RYR3: variants seen among roughly 807,000 people sequenced by gnomAD.
The protein encoded by RYR3 is brain ryanodine receptor-calcium release channel.
RYR3 carries 207 observed loss-of-function variants against 584.3 expected under a neutral mutation model. That is an observed-to-expected ratio of 0.35 (90% CI 0.32 to 0.40). The LOEUF (loss-of-function observed/expected upper bound fraction) is 0.40. RYR3 is among the 10% of genes least tolerant of loss of function. RYR3 has a pLI of 1.00. For missense variants in RYR3, 5,616 were observed against 6,089.2 expected, an observed-to-expected ratio of 0.92 and a Z score of 2.59; for synonymous variants, 2,416 against 2,248.5, an observed-to-expected ratio of 1.07 and a Z score of -2.11.
At chr15:33,630,166 A>G in intron 22 of RYR3, 123 bp downstream of exon 22, 1 of 590,326 alleles carries the variant, frequency 1.7e-6, no homozygotes, top group East Asian at 2.8e-5. Flanking sequence ...ATTAGAGGAG[A>G]TGATGATGAA....
chr15:33,396,963 CA>C (rs1348250203), intron 1 of RYR3, among the ~76,000 whole-genome samples: 2 of 152,090 alleles, frequency 1.3e-5, no homozygotes, highest in Admixed American at 1.3e-4. Context: ...GAAACAAAGC[CA>C]GTCATATTTT....
At chr15:33,490,494 G>A (rs1276238000) in intron 2 of RYR3, among the ~76,000 whole-genome samples, 1 of 152,086 alleles carries the variant, frequency 6.6e-6, no homozygotes, top group Non-Finnish European at 1.5e-5. Flanking sequence ...CTGCCTAATA[G>A]TACTGAGGGT....
chr15:33,684,642 A>T (rs952534045), intron 38 of RYR3, among the ~76,000 whole-genome samples: 1 of 152,204 alleles, frequency 6.6e-6, no homozygotes, highest in African/African-American at 2.4e-5. Flanking sequence ...CCCAAGACAC[A>T]TAATCATCAG....
At chr15:33,548,240 A>G in intron 9 of RYR3, 36 bp downstream of exon 9, 1 of 1,371,708 alleles carries the variant, frequency 7.3e-7, no homozygotes, top group Non-Finnish European at 1.0e-6. Context: ...TTTCAAGATT[A>G]CTTTCTTTTT....
chr15:33,384,900 G>A (rs890178477), intron 1 of RYR3, among the ~76,000 whole-genome samples: 3 of 152,106 alleles, frequency 2.0e-5, no homozygotes, highest in Non-Finnish European at 4.4e-5. Context: ...GTTGATTGGA[G>A]GTAGTGTGGA....
At position 33,662,868 on chromosome 15, in the gene RYR3, G is replaced by C; in HGVS notation, c.5338G>C (p.Glu1780Gln). The C allele has an allele frequency of 1.2e-6, 2 of 1,613,788 alleles. No individual in the cohort carries two copies. Among genetic ancestry groups the C allele is most frequent in the Non-Finnish European group, 1.7e-6 (2 of 1,179,890 alleles). Residue 1780 changes from glutamate to glutamine, a missense_variant, in exon 35 of 104, where the codon GAG becomes CAG. Physicochemically the swap from Glu to Gln is conservative, Grantham distance 29. Coordinates refer to ENST00000634891, the MANE Select transcript of RYR3 (RefSeq NM_001036.6). ...GACCCAGGTGGAGGAGAAGGCTGTG[G>C]AGGCTGGGGAGAAGGCCGGCAAGGA... ...EVTQVEEKAV[E>Q]AGEKAGKEAP... is the part of the protein sequence containing the mutation.
At chr15:33,491,789 C>G (rs964691380) in intron 2 of RYR3, among the ~76,000 whole-genome samples, 1 of 152,058 alleles carries the variant, frequency 6.6e-6, no homozygotes, top group African/African-American at 2.4e-5. Flanking sequence ...CCTGGCCAGT[C>G]CCCCCAGATA....
intron 1 of RYR3, among the ~76,000 whole-genome samples, chr15:33,378,239 T>C (rs1221542296): frequency 6.6e-6 from 1 of 152,258 alleles, no homozygotes; most frequent in African/African-American, 2.4e-5. Flanking sequence ...GCCCACCTTC[T>C]TCCCATTCTA....
chr15:33,424,651 C>A (rs2044474107), intron 1 of RYR3, among the ~76,000 whole-genome samples: 1 of 152,160 alleles, frequency 6.6e-6, no homozygotes, highest in South Asian at 2.1e-4. Context: ...AGATTCCTCT[C>A]TCTGAAGCCC....
intron 45 of RYR3, among the ~76,000 whole-genome samples, chr15:33,725,983 A>AC (rs1292440003): frequency 7.7e-6 from 1 of 129,788 alleles, no homozygotes; most frequent in Non-Finnish European, 1.7e-5. Context: ...CCCCAAAAAA[A>AC]AAAAAAAAAA....
At chr15:33,486,664 AGTAGAGGGTGATGTTGCCAGGT>A (rs2050452211) in intron 2 of RYR3, among the ~76,000 whole-genome samples, 1 of 152,156 alleles carries the variant, frequency 6.6e-6, no homozygotes, top group Non-Finnish European at 1.5e-5. Flanking sequence ...AGAGGAGGGG[AGTAGAGGGTGATGTTGCCAGGT>A]TTGCAAATCT....
At chr15:33,787,748 T>A (rs1384516715) in intron 66 of RYR3, among the ~76,000 whole-genome samples, 1 of 138,888 alleles carries the variant, frequency 7.2e-6, no homozygotes, top group Non-Finnish European at 1.6e-5. Flanking sequence ...GTTAATGTGC[T>A]TTTAACAACA....
At chr15:33,479,945 C>G (rs2142324610) in intron 2 of RYR3, among the ~76,000 whole-genome samples, 1 of 152,276 alleles carries the variant, frequency 6.6e-6, no homozygotes, top group Admixed American at 6.5e-5. Context: ...TTTTGTACAG[C>G]TAATATTTTA....
intron 1 of RYR3, among the ~76,000 whole-genome samples, chr15:33,452,928 A>G (rs543292641): frequency 2.0e-5 from 3 of 152,344 alleles, no homozygotes; most frequent in East Asian, 1.9e-4. Context: ...GTTAGGGTCA[A>G]TGGAGGCTCA....
At chr15:33,314,380 C>G (rs564936589) in intron 1 of RYR3, among the ~76,000 whole-genome samples, 4 of 152,284 alleles carry the variant, frequency 2.6e-5, no homozygotes, top group African/African-American at 9.6e-5. Context: ...GATCTGAAAG[C>G]AAGAAGTTAT....
At chr15:33,470,011 A>C (rs1469649098) in intron 1 of RYR3, among the ~76,000 whole-genome samples, 1 of 152,184 alleles carries the variant, frequency 6.6e-6, no homozygotes, top group Non-Finnish European at 1.5e-5. Context: ...GGAATGAAGG[A>C]GAGACAAAGC....
chr15:33,689,136 A>G (rs2065227376), intron 38 of RYR3, among the ~76,000 whole-genome samples: 1 of 147,186 alleles, frequency 6.8e-6, no homozygotes, highest in African/African-American at 2.5e-5. Flanking sequence ...AAAACCAAAC[A>G]CTCCATGTTC....
chr15:33,429,842 A>G (rs1251611656), intron 1 of RYR3, among the ~76,000 whole-genome samples: 3 of 152,264 alleles, frequency 2.0e-5, no homozygotes, highest in Non-Finnish European at 4.4e-5. Context: ...TAAATATTGT[A>G]TGACATAAAC....
intron 3 of RYR3, among the ~76,000 whole-genome samples, chr15:33,525,634 A>C (rs2054329428): frequency 6.6e-6 from 1 of 152,244 alleles, no homozygotes; most frequent in Non-Finnish European, 1.5e-5. Context: ...CAGATTTCTA[A>C]AAATTTAACA....
Sources: allele counts gnomAD v4.1 joint callset (sites outside exome capture counted in the v4.1 genomes callset), GRCh38; gene constraint gnomAD v4.1.1; transcripts MANE v1.5; gene names NCBI Gene and HGNC (gene_info 2026-07-23, HGNC 2026-07-21).